Variants in ZNF606 observed in about 807,000 individuals in gnomAD.
The protein encoded by ZNF606 is zinc finger protein 606.
A neutral mutation model predicts 74.9 loss-of-function variants in ZNF606; 37 were observed. The ratio of observed to expected loss-of-function variants is 0.49; its 90% CI spans 0.38 to 0.65. ZNF606 has a LOEUF of 0.65. Ranked by LOEUF, ZNF606 falls within the 30% of genes least tolerant of loss-of-function variation. The pLI is 0.00. For missense variants in ZNF606, 852 were observed against 952.9 expected (o/e 0.89, Z 1.39); for synonymous variants, 328 against 312.4 (o/e 1.05, Z -0.53).
intron 6 of ZNF606, among the ~76,000 whole-genome samples, chr19:57,984,953 G>C (rs1368433612): frequency 6.6e-6 from 1 of 152,134 alleles, no homozygotes; most frequent in Admixed American, 6.6e-5. Context: ...AAATTAGCCA[G>C]GCGTGGTGTC....
At chr19:58,002,118 C>A in intron 1 of ZNF606, 1 of 454,530 alleles carries the variant, frequency 2.2e-6, no homozygotes, top group Non-Finnish European at 4.4e-6. Flanking sequence ...AGAATGCAAA[C>A]CGTACTTTGC....
intron 6 of ZNF606, among the ~76,000 whole-genome samples, chr19:57,983,854 G>C (rs1220013058): frequency 2.0e-5 from 3 of 152,166 alleles, no homozygotes; most frequent in Non-Finnish European, 1.5e-5. Flanking sequence ...GAGCTATTCA[G>C]GAAATGAGAG....
In ZNF606 at chr19:58,002,559, CA is replaced by C; in HGVS notation, c.-216del. The C allele has an allele frequency of 2.3e-6, 1 of 429,016 alleles. No homozygotes were observed. Among genetic ancestry groups the C allele is most frequent in the South Asian group, 1.6e-5 (1 of 60,730 alleles). 26.6% of individuals were successfully genotyped at this position (429,016 alleles called of 1,614,324 possible). ...AAAGGCCCGCGGAGCCGACGTGCAG[CA>C]GAGTTCACCCAGGCCCGTCCGACCA... On this transcript the variant is annotated 5_prime_UTR_variant, in exon 1 of 7. Transcript: ENST00000551380.
intron 2 of ZNF606, 48 bp downstream of exon 2, chr19:58,001,241 A>G: frequency 6.2e-7 from 1 of 1,608,610 alleles, no homozygotes; most frequent in South Asian, 1.1e-5. Flanking sequence ...CCATGACTGC[A>G]GCAGCTAATG....
chr19:57,993,508 A>T (rs2073290934), intron 4 of ZNF606, among the ~76,000 whole-genome samples: 1 of 152,212 alleles, frequency 6.6e-6, no homozygotes, highest in African/African-American at 2.4e-5. Context: ...AGGAGGCACC[A>T]CGGTGAAGCA....
At chr19:57,991,019 T>C (rs1017717880) in intron 4 of ZNF606, among the ~76,000 whole-genome samples, 3 of 152,012 alleles carry the variant, frequency 2.0e-5, no homozygotes, top group Admixed American at 1.3e-4. Context: ...TCACACCCCA[T>C]GTAGAGACGC....
In ZNF606 at chr19:57,988,508, C is replaced by T. The variant is rs144128800; in HGVS notation, c.304+87G>A. Reference sequence around the variant, plus strand: ...CTCAGCTCTTCTGAGACACCACCCTCGCCCCTGCAATGAGCTTCTAAACAT... The same window carrying T: ...CTCAGCTCTTCTGAGACACCACCCTTGCCCCTGCAATGAGCTTCTAAACAT... On this transcript the variant is annotated intron_variant, in intron 5 of 6. Transcript: ENST00000551380. 132 of 1,539,872 alleles carry T rather than the reference C, an allele frequency of 8.6e-5. 2 individuals carry two copies. In the East Asian group the frequency reaches 1.2e-3, roughly 14 times the overall value.
At position 57,978,757 on chromosome 19, in the gene ZNF606, T is replaced by C. The variant is rs761933997; in HGVS notation, c.1923A>G (p.Arg641=). 14 of 1,614,068 alleles carry C rather than the reference T, an allele frequency of 8.7e-6. No homozygotes were observed. The highest frequency in any genetic ancestry group is 6.7e-5 in the Admixed American group (4 of 60,010). The change falls in exon 7 of 7, where the codon AGA becomes AGG. Residue 641 remains arginine, a synonymous_variant. Transcript: ENST00000551380. The surrounding 1 kb of genome is among the most constrained non-coding windows in gnomAD (Gnocchi z 4.4). ...TTTCTCCAGTATGAGTCCTTTGATG[T>C]CTAACAAGGTGAGCCATCTGGCTAC... ...KSCSQMAHLV[R]HQRTHTGEKP...
At position 57,986,987 on chromosome 19, in the gene ZNF606, G is replaced by A. The variant is rs2073173077; in HGVS notation, c.400+1220C>T. On this transcript the variant is annotated intron_variant, in intron 6 of 6. Coordinates refer to ENST00000551380, the MANE Select transcript of ZNF606 (RefSeq NM_001348022.3). ...TGGCTGTAGTCCCAGCTACCTAGGA[G>A]GCTGAGGTGGGAGGACTGCCTAAGC... Among the ~76,000 whole-genome samples, 8 of 152,192 alleles carry A rather than the reference G, an allele frequency of 5.3e-5. No homozygotes were observed. The South Asian group carries it at 1.5e-3, about 28-fold the overall frequency.
chr19:57,996,328 CCT>C (rs1000007153), intron 4 of ZNF606, among the ~76,000 whole-genome samples: 5 of 152,114 alleles, frequency 3.3e-5, no homozygotes, highest in Non-Finnish European at 5.9e-5. Flanking sequence ...ATGGTGAAAC[CCT>C]GTCTCGATTA....
chr19:57,987,838 A>C (rs2073187737), intron 6 of ZNF606, among the ~76,000 whole-genome samples: 1 of 152,184 alleles, frequency 6.6e-6, no homozygotes, highest in South Asian at 2.1e-4. Flanking sequence ...AAAACAAACA[A>C]ACTAAAAAGC....
chr19:57,991,062 T>C lies in ZNF606; in HGVS notation c.178-2341A>G, dbSNP rs571389187. On this transcript the variant is annotated intron_variant, in intron 4 of 6. Transcript: ENST00000551380. ...ACCCTCGTCCCACTGCTTCTGACAG[T>C]CCATCTCCTCCTGCAAGGTACAGTG... is the stretch of plus-strand genomic sequence containing the variant. Among the ~76,000 whole-genome samples, 13 of 152,188 alleles carry C rather than the reference T, an allele frequency of 8.5e-5. 1 individual carries two copies.
intron 6 of ZNF606, among the ~76,000 whole-genome samples, chr19:57,983,086 C>T (rs2073110727): frequency 5.3e-5 from 8 of 152,184 alleles, no homozygotes; most frequent in Admixed American, 5.2e-4. Context: ...CAAATGGAAG[C>T]TGACCAATTC....
Position 58,001,275 on chromosome 19 carries a change from C to T in ZNF606, c.31+14G>A. The T allele has an allele frequency of 6.2e-7, 1 of 1,610,978 alleles. No individual in the cohort carries two copies. The highest frequency in any genetic ancestry group is 8.5e-7 in the Non-Finnish European group (1 of 1,178,324). ...TGATAGGGGAGGCCCAGGAGAAACA[C>T]AACTTGGACTCACCCCAGGAGGCCC... On this transcript the variant is annotated intron_variant, in intron 2 of 6. Transcript: ENST00000551380.
chr19:57,999,913 A>C lies in ZNF606; in HGVS notation c.89-17T>G. ...GACACAGAGCTAGGAAACGAGAAAA[A>C]AGTCATGGAGGCAGCTCTCGCTGCC... On this transcript the variant is annotated splice_polypyrimidine_tract_variant and intron_variant, in intron 3 of 6. Transcript: ENST00000551380. 1 of 1,612,146 alleles carries C rather than the reference A, an allele frequency of 6.2e-7. No individual in the cohort carries two copies. The highest frequency in any genetic ancestry group is 1.1e-5 in the South Asian group (1 of 91,054).
Position 57,999,888 on chromosome 19 carries a change from G to A in ZNF606, c.97C>T (p.Pro33Ser), listed in dbSNP as rs1165631252. 6.2e-7 allele frequency: 1 copy of A among 1,613,650 alleles called. No homozygotes were observed. Among genetic ancestry groups the A allele is most frequent in the Admixed American group, 1.7e-5 (1 of 60,000 alleles). ...TCCACGTGCCAGGCAGGATACTGAG[G>A]ACACAGAGCTAGGAAACGAGAAAAA... ...VDPWASWALCPQYPAWHVEGS... is the reference protein window; with the variant it reads ...VDPWASWALCSQYPAWHVEGS... The change falls in exon 4 of 7, where the codon CCT becomes TCT. Residue 33 changes from proline to serine, a missense_variant. Coordinates refer to ENST00000551380, the MANE Select transcript of ZNF606 (RefSeq NM_001348022.3).
At chr19:57,983,056 C>T (rs768903767) in intron 6 of ZNF606, among the ~76,000 whole-genome samples, 7 of 152,174 alleles carry the variant, frequency 4.6e-5, no homozygotes, top group African/African-American at 7.2e-5. Context: ...TTTTTAAATC[C>T]TTCCAGTAAA....
At chr19:57,993,425 C>T (rs1210035260) in intron 4 of ZNF606, among the ~76,000 whole-genome samples, 1 of 152,114 alleles carries the variant, frequency 6.6e-6, no homozygotes, top group Admixed American at 6.5e-5. Context: ...TCCACTTATT[C>T]CTCCAAGAGG....
In ZNF606 at chr19:58,001,351, G is replaced by C. The variant is rs377086306; in HGVS notation, c.-32C>G. 1.2e-5 allele frequency: 19 copies of C among 1,613,970 alleles called. No homozygotes were observed. Among genetic ancestry groups the C allele is most frequent in the Non-Finnish European group, 1.6e-5 (19 of 1,179,980 alleles). On this transcript the variant is annotated 5_prime_UTR_variant, in exon 2 of 7. Coordinates refer to ENST00000551380, the MANE Select transcript of ZNF606 (RefSeq NM_001348022.3). The stretch of plus-strand genomic sequence containing the variant: ...GACTGATTGACCAGGCACCTGCCCA[G>C]GAACACAGCAAATCCCAACCTAGTG...
Sources: gnomAD v4.1 joint callset for allele counts (sites outside exome capture counted in the v4.1 genomes callset) on GRCh38, gnomAD v4.1.1 for gene constraint, Gnocchi (gnomAD v3.1) non-coding constraint, MANE v1.5 for transcripts, NCBI Gene and HGNC (gene_info 2026-07-23, HGNC 2026-07-21) for gene names.